HMGCS1: variants seen among roughly 807,000 people sequenced by gnomAD.
HMGCS1 encodes the protein hydroxymethylglutaryl-CoA synthase, cytoplasmic.
HMGCS1 carries 9 observed loss-of-function variants against 52.3 expected under a neutral mutation model. The observed-to-expected ratio is 0.17, with a 90% CI of 0.10 to 0.30. The LOEUF is 0.30. HMGCS1 is among the 10% of genes least tolerant of loss of function. HMGCS1 has a pLI of 1.00. For synonymous variants in HMGCS1, 176 were observed against 214.4 expected (o/e 0.82, Z 1.57); for missense variants, 320 against 620.9 (o/e 0.52, Z 5.15).
At position 43,288,540 on chromosome 5, in the gene HMGCS1, T is replaced by C. The variant is rs1287754125; in HGVS notation, c.*2591A>G. On this transcript the variant is annotated 3_prime_UTR_variant, in exon 11 of 11. Coordinates refer to ENST00000325110, the MANE Select transcript of HMGCS1 (RefSeq NM_001098272.3). Reference sequence around the variant, plus strand: ...GCTGTTTGCATCTGTTTGGGTCTAGTGTCAACCTCAAAGTTACTCATTAGT... The same window carrying C: ...GCTGTTTGCATCTGTTTGGGTCTAGCGTCAACCTCAAAGTTACTCATTAGT... 6.6e-6 allele frequency: 1 copy of C among 152,132 alleles called. No homozygotes were observed. Among genetic ancestry groups the C allele is most frequent in the African/African-American group, 2.4e-5 (1 of 41,420 alleles). 9.4% of individuals were successfully genotyped at this position (152,132 alleles called of 1,614,324 possible).
At chr5:43,307,907 G>A (rs1754658716) in intron 1 of HMGCS1, 83 bp from the exon 2 acceptor site, 1 of 152,188 alleles carries the variant, frequency 6.6e-6, no homozygotes, top group Non-Finnish European at 1.5e-5. Context: ...TTCAAAGTGA[G>A]TTAAAATAAG....
At chr5:43,291,329 G>A (rs1753756940) in intron 10 of HMGCS1, 109 bp from the exon 11 acceptor site, 2 of 720,046 alleles carry the variant, frequency 2.8e-6, no homozygotes, top group African/African-American at 3.5e-5. Context: ...CAACTCTGGA[G>A]AAGTTTATGC....
chr5:43,287,848 T>C lies in HMGCS1; in HGVS notation c.*3283A>G, dbSNP rs1395525585. ...ACTATCATATTCTCTGAGAACCTGG[T>C]CAAAGACTTCATGGAATTAGTTACC... On this transcript the variant is annotated 3_prime_UTR_variant, in exon 11 of 11. Transcript: ENST00000325110. 2.0e-5 allele frequency: 3 copies of C among 152,212 alleles called. No homozygotes were observed. In the East Asian group the frequency reaches 5.8e-4, roughly 29 times the overall value. The allele number at this position is 152,212 out of a possible 1,614,324, so 9.4% of individuals were successfully genotyped here.
intron 1 of HMGCS1, among the ~76,000 whole-genome samples, chr5:43,308,507 A>G (rs1403298775): frequency 1.3e-5 from 2 of 152,192 alleles, no homozygotes; most frequent in Non-Finnish European, 2.9e-5. Flanking sequence ...CACCCTCCCA[A>G]CCTTTTATAA....
intron 10 of HMGCS1, 93 bp downstream of exon 10, chr5:43,292,381 C>CTTACTATGCA (rs113830463): frequency 1.1e-6 from 1 of 893,240 alleles, no homozygotes; most frequent in Non-Finnish European, 1.7e-6. Flanking sequence ...TCCCAGAGCC[C>CTTACTATGCA]TTACTCTTCT....
At chr5:43,295,643 T>C (rs879482744) in intron 6 of HMGCS1, 109 bp downstream of exon 6, 44 of 783,504 alleles carry the variant, frequency 5.6e-5, no homozygotes, top group Non-Finnish European at 8.9e-5. Context: ...CTGGATGACT[T>C]CTAAGATTCT....
At position 43,292,930 on chromosome 5, in the gene HMGCS1, T is replaced by C. The variant is rs548277878; in HGVS notation, c.1227A>G (p.Lys409=). The change falls in exon 9 of 11, where the codon AAA becomes AAG. Residue 409 remains lysine (K), a synonymous_variant. Coordinates refer to ENST00000325110, the MANE Select transcript of HMGCS1 (RefSeq NM_001098272.3). ...CACCAGTTCTTGAATCAAGCCTTGA[T>C]TTAAGATCACATAAACTTGCTGTTA... ...DKITASLCDL[K]SRLDSRTGVA... The C allele has an allele frequency of 1.2e-6, 2 of 1,608,602 alleles. 1 individual carries two copies. Among genetic ancestry groups the C allele is most frequent in the African/African-American group, 2.7e-5 (2 of 74,730 alleles).
At chr5:43,296,212 A>G (rs1374085583) in intron 5 of HMGCS1, among the ~76,000 whole-genome samples, 1 of 152,198 alleles carries the variant, frequency 6.6e-6, no homozygotes, top group African/African-American at 2.4e-5. Context: ...ATTTTAAAAA[A>G]CAAAATGCAG....
rs549358139 is a variant in HMGCS1 at position 43,302,558 on chromosome 5, C to G, written c.-10-3583G>C. ...GAAATTGGGATTCCTCTTACAATTG[C>G]TATCAGACAGAAGCCAATTATGATG... is the stretch of plus-strand genomic sequence containing the variant. On this transcript the variant is annotated intron_variant, in intron 2 of 10. Coordinates refer to ENST00000325110, the MANE Select transcript of HMGCS1 (RefSeq NM_001098272.3). Among the ~76,000 whole-genome samples the G allele has an allele frequency of 8.5e-5, 13 of 152,270 alleles. No homozygotes were observed. In the East Asian group the frequency reaches 2.1e-3, roughly 25 times the overall value.
At chr5:43,312,750 C>A (rs774996653) in intron 1 of HMGCS1, among the ~76,000 whole-genome samples, 1 of 152,144 alleles carries the variant, frequency 6.6e-6, no homozygotes, top group Non-Finnish European at 1.5e-5. Context: ...AGATTTGAAG[C>A]AAGTACAGAC....
At chr5:43,294,952 G>T in intron 6 of HMGCS1, 91 bp from the exon 7 acceptor site, 1 of 787,762 alleles carries the variant, frequency 1.3e-6, no homozygotes, top group Non-Finnish European at 2.0e-6. Context: ...AAATCTTTAA[G>T]TGTATATAAT....
intron 5 of HMGCS1, among the ~76,000 whole-genome samples, chr5:43,296,424 T>C (rs892444486): frequency 6.6e-6 from 1 of 152,198 alleles, no homozygotes; most frequent in Non-Finnish European, 1.5e-5. Context: ...ATATTTGTCA[T>C]TGAATATGAT....
intron 8 of HMGCS1, 24 bp from the exon 9 acceptor site, chr5:43,292,997 T>A: frequency 1.3e-6 from 2 of 1,557,258 alleles, no homozygotes; most frequent in Non-Finnish European, 1.7e-6. Flanking sequence ...TAATTCAACA[T>A]TAAAAGATTT....
At chr5:43,292,701 T>A in intron 9 of HMGCS1, 64 bp from the exon 10 acceptor site, 1 of 1,532,676 alleles carries the variant, frequency 6.5e-7, no homozygotes, top group Non-Finnish European at 9.0e-7. Context: ...GTAATAAAGC[T>A]AAAGATAAGT....
At chr5:43,302,528 T>C (rs1754371217) in intron 2 of HMGCS1, among the ~76,000 whole-genome samples, 1 of 152,204 alleles carries the variant, frequency 6.6e-6, no homozygotes, top group Admixed American at 6.5e-5. Context: ...TTGGGTAACA[T>C]TTCAGAAATT....
intron 2 of HMGCS1, among the ~76,000 whole-genome samples, chr5:43,305,937 C>G (rs1754551540): frequency 1.3e-5 from 2 of 151,734 alleles, no homozygotes; most frequent in Non-Finnish European, 2.9e-5. Flanking sequence ...GTACTATATT[C>G]ACCATAAAAT....
intron 5 of HMGCS1, among the ~76,000 whole-genome samples, 184 bp from the exon 6 acceptor site, chr5:43,296,101 G>A (rs992496264): frequency 5.9e-5 from 9 of 152,150 alleles, no homozygotes; most frequent in Middle Eastern, 3.4e-3. Context: ...GAAACAATAT[G>A]TACTATGTCA....
At chr5:43,311,949 TA>T (rs1317181625) in intron 1 of HMGCS1, among the ~76,000 whole-genome samples, 1 of 152,222 alleles carries the variant, frequency 6.6e-6, no homozygotes, top group Non-Finnish European at 1.5e-5. Flanking sequence ...GAGAAATATC[TA>T]CAAAGGTAGA....
chr5:43,297,902 G>T, intron 4 of HMGCS1, 107 bp downstream of exon 4: 1 of 834,738 alleles, frequency 1.2e-6, no homozygotes, highest in Non-Finnish European at 1.8e-6. Context: ...TTAGCAAGTA[G>T]TACCTGCATT....
Sources: allele counts gnomAD v4.1 joint callset (sites outside exome capture counted in the v4.1 genomes callset), GRCh38; gene constraint gnomAD v4.1.1; transcripts MANE v1.5; gene names NCBI Gene and HGNC (gene_info 2026-07-23, HGNC 2026-07-21).